The following NPHS1 variants were observed in gnomAD, a reference collection of about 807,000 sequenced individuals.
The protein encoded by NPHS1 is nephrin.
In NPHS1, 107 loss-of-function variants were observed where a neutral mutation model predicts 139.7. That is an observed-to-expected ratio of 0.77 (90% CI 0.66 to 0.90). The LOEUF (loss-of-function observed/expected upper bound fraction) is 0.90, where lower values mean the gene tolerates loss of function less well. Among genes scored for constraint, NPHS1 ranks in the 40% least tolerant of loss-of-function variants. The pLI, the probability that NPHS1 is intolerant of heterozygous loss-of-function variation, is 0.00. For synonymous variants in NPHS1, 707 were observed against 706.6 expected (o/e 1.00, Z -0.01); for missense variants, 1,580 against 1,654.2 (o/e 0.96, Z 0.78).
rs770284855 is a variant in NPHS1 at position 35,848,095 on chromosome 19, C to A, written c.1386G>T (p.Arg462Ser). Reference protein sequence around the residue: ...GQKLRAGTRVRLVCLAIGGNP... With the variant: ...GQKLRAGTRVSLVCLAIGGNP... The stretch of plus-strand genomic sequence containing the variant: ...TGCCCCCGATAGCCAAACACACCAG[C>A]CTCACCCGGGTCCCAGCCCGGAGCT... Residue 462 changes from arginine (R) to serine (S), a missense_variant, in exon 11 of 29, where the codon AGG becomes AGT. Physicochemically the swap from Arg to Ser is moderately radical, Grantham distance 110. Coordinates refer to ENST00000378910, the MANE Select transcript of NPHS1 (RefSeq NM_004646.4). The A allele has an allele frequency of 3.7e-6, 6 of 1,614,064 alleles. No individual in the cohort carries two copies. The highest frequency in any genetic ancestry group is 2.5e-6 in the Non-Finnish European group (3 of 1,180,036).
Position 35,831,736 on chromosome 19 carries a change from C to G in NPHS1, c.3193G>C (p.Val1065Leu), listed in dbSNP as rs748126627. The change falls in exon 24 of 29, where the codon GTG (valine) becomes CTG (leucine). Residue 1065 changes from valine (V) to leucine (L), a missense_variant. Val to Leu is a conservative substitution (Grantham distance 32). Coordinates refer to ENST00000378910, the MANE Select transcript of NPHS1 (RefSeq NM_004646.4). Reference protein sequence around the residue: ...SGPSGLPLLPVLFALGGLLLL... With the variant: ...SGPSGLPLLPLLFALGGLLLL... ...AGAAGCCCCCCAAGAGCGAACAGCA[C>G]AGGCAGCAGGGGCAGCCCCGAGGGT... The G allele has an allele frequency of 3.5e-5, 55 of 1,582,944 alleles. No individual in the cohort carries two copies. Among genetic ancestry groups the G allele is most frequent in the Non-Finnish European group, 4.7e-5 (55 of 1,165,072 alleles).
At position 35,846,156 on chromosome 19, in the gene NPHS1, C is replaced by T. The variant is rs1309800283; in HGVS notation, c.1479G>A (p.Glu493=). 1.3e-6 allele frequency: 2 copies of T among 1,596,554 alleles called. No individual in the cohort carries two copies. The highest frequency in any genetic ancestry group is 1.1e-5 in the South Asian group (1 of 88,366). Residue 493 remains glutamate (E), a synonymous_variant, in exon 12 of 29, where the codon GAG becomes GAA. Coordinates refer to ENST00000378910, the MANE Select transcript of NPHS1 (RefSeq NM_004646.4). Reference sequence around the variant, plus strand: ...CGCTGCCGAGATGCACGCGCCGCGACTCCTGCGGCAGCCGCGACTCGGTCA... The same window carrying T: ...CGCTGCCGAGATGCACGCGCCGCGATTCCTGCGGCAGCCGCGACTCGGTCA... ...RTVTESRLPQ[E]SRRVHLGSVE...
At chr19:35,847,882 T>G in intron 11 of NPHS1, 159 bp downstream of exon 11, 2 of 707,844 alleles carry the variant, frequency 2.8e-6, no homozygotes, top group Non-Finnish European at 4.6e-6. Flanking sequence ...TCTCATAGCA[T>G]TTGTGTCTTT....
At chr19:35,849,684 G>T in intron 5 of NPHS1, 31 bp from the exon 6 acceptor site, 1 of 1,542,650 alleles carries the variant, frequency 6.5e-7, no homozygotes, top group Non-Finnish European at 9.0e-7. Flanking sequence ...TATAGAGTCA[G>T]AGTCATCATC....
intron 11 of NPHS1, among the ~76,000 whole-genome samples, chr19:35,847,621 G>A (rs1423819648): frequency 6.6e-6 from 1 of 150,600 alleles, no homozygotes; most frequent in Non-Finnish European, 1.5e-5. Context: ...CTCCTAAAGT[G>A]CTTGGATTAC....
At position 35,851,448 on chromosome 19, in the gene NPHS1, A is replaced by G. The variant is rs1436617936; in HGVS notation, c.274+9T>C. On this transcript the variant is annotated intron_variant, in intron 2 of 28. Transcript: ENST00000378910. ...TGGTGGCTGAGGGTCTCAGGCTCTGATCCCTTACCTCTAGCAGGGTCCCCT... is the reference window on the plus strand; with the variant it reads ...TGGTGGCTGAGGGTCTCAGGCTCTGGTCCCTTACCTCTAGCAGGGTCCCCT... The G allele has an allele frequency of 1.2e-6, 2 of 1,613,210 alleles. No homozygotes were observed. The highest frequency in any genetic ancestry group is 2.7e-5 in the African/African-American group (2 of 75,022).
intron 28 of NPHS1, among the ~76,000 whole-genome samples, chr19:35,828,389 C>T (rs1482729385): frequency 6.6e-6 from 1 of 152,114 alleles, no homozygotes; most frequent in African/African-American, 2.4e-5. Flanking sequence ...CCTAGCCTCC[C>T]GAGTAGGTGG....
intron 28 of NPHS1, among the ~76,000 whole-genome samples, chr19:35,828,820 C>CA (rs1222734452): frequency 2.0e-4 from 31 of 152,356 alleles, no homozygotes; most frequent in African/African-American, 7.5e-4. Flanking sequence ...AAAAAGCGTG[C>CA]AGCCTCCATC....
intron 20 of NPHS1, among the ~76,000 whole-genome samples, chr19:35,841,450 C>T (rs543566154): frequency 6.6e-6 from 1 of 152,204 alleles, no homozygotes; most frequent in Non-Finnish European, 1.5e-5. Flanking sequence ...TCCAGAAACC[C>T]CTGAAAATCT....
intron 4 of NPHS1, 79 bp downstream of exon 4, chr19:35,850,882 G>T: frequency 6.4e-7 from 1 of 1,560,104 alleles, no homozygotes. Context: ...CCCTTAGAAG[G>T]GTACTGGTCA....
Position 35,851,919 on chromosome 19 carries a change from T to A in NPHS1, c.-82A>T. ...CTGGCTTTCTCTGGGTCCCTCTCTG[T>A]GTGTCTCTGCCACCTGCTTTTCTTT... is the stretch of plus-strand genomic sequence containing the variant. On this transcript the variant is annotated 5_prime_UTR_variant, in exon 1 of 29. Transcript: ENST00000378910. 1 of 1,197,956 alleles carries A rather than the reference T, an allele frequency of 8.3e-7. No homozygotes were observed. Among genetic ancestry groups the A allele is most frequent in the Non-Finnish European group, 1.2e-6 (1 of 826,616 alleles). 74.2% of individuals were successfully genotyped at this position (1,197,956 alleles called of 1,614,324 possible). A position where few individuals can be genotyped will look rare whatever the true frequency, so the allele number is the denominator to read the frequency against.
rs746016536 is a variant in NPHS1, at chr19:35,851,221, G to GATTC, written c.397+40_397+41insGAAT. 5.6e-5 allele frequency: 91 copies of GATTC among 1,613,654 alleles called. No homozygotes were observed. The Admixed American group carries it at 1.5e-3, about 27-fold the overall frequency. On this transcript the variant is annotated intron_variant, in intron 3 of 28. Transcript: ENST00000378910. ...CGGGTTGCGGGGTAGGGGAGGGCTT[G>GATTC]AAGCCCAGACTCATGGGTCCTGGGC...
intron 5 of NPHS1, among the ~76,000 whole-genome samples, chr19:35,850,108 G>A (rs1036065200): frequency 6.6e-6 from 1 of 152,052 alleles, no homozygotes; most frequent in Non-Finnish European, 1.5e-5. Context: ...TGAAAACAGG[G>A]TTTCACCATG....
intron 20 of NPHS1, 38 bp from the exon 21 acceptor site, chr19:35,839,645 A>G (rs1973026323): frequency 2.7e-6 from 4 of 1,508,934 alleles, no homozygotes; most frequent in Non-Finnish European, 3.7e-6. Flanking sequence ...CAGAGGATAC[A>G]AAAGAATTCC....
rs756273676 is a variant in NPHS1 at position 35,831,723 on chromosome 19, A to G, written c.3206T>C (p.Leu1069Pro). Residue 1069 changes from leucine (L) to proline (P), a missense_variant, in exon 24 of 29, where the codon CTT (leucine) becomes CCT (proline). Transcript: ENST00000378910. The part of the protein sequence containing the change: ...GLPLLPVLFA[L>P]GGLLLLSNAS... ...ATTGGAGAGGAGCAGAAGCCCCCCAAGAGCGAACAGCACAGGCAGCAGGGG... is the reference window on the plus strand; with the variant it reads ...ATTGGAGAGGAGCAGAAGCCCCCCAGGAGCGAACAGCACAGGCAGCAGGGG... 3.8e-6 allele frequency: 6 copies of G among 1,590,174 alleles called. No homozygotes were observed. In the Admixed American group the frequency reaches 8.9e-5, roughly 24 times the overall value.
chr19:35,831,376 C>A lies in NPHS1; in HGVS notation c.3312-5G>T. 6.2e-7 allele frequency: 1 copy of A among 1,613,952 alleles called. No homozygotes were observed. Among genetic ancestry groups the A allele is most frequent in the Non-Finnish European group, 8.5e-7 (1 of 1,179,880 alleles). ...CTGACTCGGTCCTCTTCCGACCTTC[C>A]AGGATGAAGGTGTGGGGGGAAGTTG... On this transcript the variant is annotated splice_polypyrimidine_tract_variant and splice_region_variant and intron_variant, in intron 25 of 28. Transcript: ENST00000378910.
In NPHS1 at chr19:35,842,388, C is replaced by A; in HGVS notation, c.2497G>T (p.Val833Phe). ...APPARRLLRL[V>F]VRFAPQVEHP... ...TTTGGGTAATACCCACATCTGACAA[C>A]AAGACGGAGCAGCCGTCGTGCTGGA... The change falls in exon 18 of 29, where the codon GTT (valine) becomes TTT (phenylalanine). Residue 833 changes from valine to phenylalanine, a missense_variant. Transcript: ENST00000378910. The A allele has an allele frequency of 3.7e-6, 6 of 1,613,938 alleles. No homozygotes were observed. The highest frequency in any genetic ancestry group is 2.7e-5 in the African/African-American group (2 of 75,010).
intron 28 of NPHS1, among the ~76,000 whole-genome samples, chr19:35,827,335 C>T (rs550470974): frequency 3.3e-5 from 5 of 151,952 alleles, no homozygotes; most frequent in Non-Finnish European, 4.4e-5. Context: ...TGGTGGTGAG[C>T]GCCTATAGTC....
Position 35,842,147 on chromosome 19 carries a change from G to A in NPHS1, c.2640C>T (p.Val880=). The A allele has an allele frequency of 6.2e-7, 1 of 1,607,092 alleles. No homozygotes were observed. Among genetic ancestry groups the A allele is most frequent in the South Asian group, 1.1e-5 (1 of 89,586 alleles). The part of the protein sequence containing the change: ...NIVFTWTKNG[V]PLDLQDPRYT... ...ACCTGGGATCTTGGAGATCCAGAGG[G>A]ACCCCGTTTTTTGTCCAAGTGAAAA... Residue 880 remains valine (V), a synonymous_variant, in exon 19 of 29, where the codon GTC becomes GTT. Transcript: ENST00000378910.
Sources: allele counts gnomAD v4.1 joint callset (sites outside exome capture counted in the v4.1 genomes callset), GRCh38; gene constraint gnomAD v4.1.1; transcripts MANE v1.5; gene names NCBI Gene and HGNC (gene_info 2026-07-23, HGNC 2026-07-21).